Variants in DNAH14 observed in about 807,000 individuals in gnomAD.
DNAH14 encodes axonemal beta dynein heavy chain 14.
DNAH14 carries 478 observed loss-of-function variants against 520.9 expected under a neutral mutation model. The observed-to-expected ratio is 0.92, with a 90% CI of 0.85 to 0.99. DNAH14 has a LOEUF of 0.99. Ranked by LOEUF, DNAH14 falls within the 50% of genes least tolerant of loss-of-function variation. The pLI is 0.00. For synonymous variants in DNAH14, 1,581 were observed against 1,757.2 expected (o/e 0.90, Z 2.51); for missense variants, 4,831 against 5,234.5 (o/e 0.92, Z 2.38).
In DNAH14 at chr1:224,943,155, C is replaced by T. The variant is rs569376995; in HGVS notation, c.-33-9515C>T. 2.6e-5 allele frequency among the ~76,000 whole-genome samples: 4 copies of T among 152,258 alleles called. No individual in the cohort carries two copies. In the East Asian group the frequency reaches 7.7e-4, roughly 29 times the overall value. ...GTCCTGGACTTTTATGGTTGGTAAG[C>T]TATTAATTATTGCCTCAATTTCAGA... On this transcript the variant is annotated intron_variant, in intron 1 of 85. Transcript: ENST00000682510.
At chr1:225,153,715 A>T in intron 33 of DNAH14, 35 bp from the exon 34 acceptor site, 1 of 1,444,668 alleles carries the variant, frequency 6.9e-7, no homozygotes, top group Non-Finnish European at 9.5e-7. Flanking sequence ...TTTCTTTAGA[A>T]ACTTTAATAA....
At chr1:225,228,553 C>T (rs1012904573) in intron 41 of DNAH14, among the ~76,000 whole-genome samples, 4 of 152,148 alleles carry the variant, frequency 2.6e-5, no homozygotes, top group Non-Finnish European at 5.9e-5. Flanking sequence ...GCCCAACAAA[C>T]AGCCACATGG....
At chr1:225,314,072 T>G (rs2094421763) in intron 60 of DNAH14, among the ~76,000 whole-genome samples, 1 of 152,220 alleles carries the variant, frequency 6.6e-6, no homozygotes, top group Non-Finnish European at 1.5e-5. Flanking sequence ...TGTGGGAGTC[T>G]AAGTCTCTCT....
chr1:225,394,369 T>C (rs2095972620), intron 84 of DNAH14, among the ~76,000 whole-genome samples: 1 of 152,220 alleles, frequency 6.6e-6, no homozygotes, highest in South Asian at 2.1e-4. Flanking sequence ...ATGGTGTCTT[T>C]TGATGAACAA....
chr1:225,358,846 T>G (rs2095461402), intron 74 of DNAH14, among the ~76,000 whole-genome samples, 194 bp downstream of exon 74: 1 of 152,188 alleles, frequency 6.6e-6, no homozygotes, highest in African/African-American at 2.4e-5. Flanking sequence ...GATCTGATGA[T>G]TTTATAAGCA....
At chr1:225,122,081 G>A (rs933136532) in intron 26 of DNAH14, among the ~76,000 whole-genome samples, 1 of 151,976 alleles carries the variant, frequency 6.6e-6, no homozygotes, top group Admixed American at 6.6e-5. Context: ...AGATTAAAAT[G>A]TAGAAAAAAA....
chr1:224,997,748 A>AT (rs1452391976), intron 8 of DNAH14, among the ~76,000 whole-genome samples: 2 of 151,438 alleles, frequency 1.3e-5, no homozygotes, highest in African/African-American at 4.9e-5. Flanking sequence ...CAGATTATCG[A>AT]TTTTTTAAAT....
At position 225,301,000 on chromosome 1, in the gene DNAH14, T is replaced by C. The variant is rs369335225; in HGVS notation, c.8601T>C (p.Asn2867=). The part of the protein sequence containing the change: ...YLTEQSGHMD[N]RQSLLSFFQK... ...CTGAACAATCTGGTCATATGGATAATAGGCAATCTTTACTTTCATTCTTTC... is the reference window on the plus strand; with the variant it reads ...CTGAACAATCTGGTCATATGGATAACAGGCAATCTTTACTTTCATTCTTTC... Residue 2867 remains asparagine (N), a synonymous_variant, in exon 56 of 86, where the codon AAT becomes AAC. Coordinates refer to ENST00000682510, the MANE Select transcript of DNAH14 (RefSeq NM_001367479.1). 3.9e-5 allele frequency: 60 copies of C among 1,549,792 alleles called. No individual in the cohort carries two copies. The African/African-American group carries it at 6.3e-4, about 16-fold the overall frequency.
In DNAH14 at chr1:225,375,373, G is replaced by A. The variant is rs114558549; in HGVS notation, c.12516+488G>A. Among the ~76,000 whole-genome samples the A allele has an allele frequency of 9.5e-3, 1,448 of 152,316 alleles. 23 individuals carry two copies. The highest frequency in any genetic ancestry group is 0.033 in the African/African-American group (1,358 of 41,548). On this transcript the variant is annotated intron_variant, in intron 78 of 85. Transcript: ENST00000682510. ...GTGTGTGCCTGTTGAGTGGCTGCTA[G>A]CAGAGGAAAGAATCCTACAGACCTC...
rs2065518935 is a variant in DNAH14, at chr1:225,019,855, G to T, written c.1108-3760G>T. ...CCAGAATCTTCAGGACACAACTAAA[G>T]AAGGATGAAGAGGAAAGTTTATAGT... is the stretch of plus-strand genomic sequence containing the variant. On this transcript the variant is annotated intron_variant, in intron 10 of 85. Coordinates refer to ENST00000682510, the MANE Select transcript of DNAH14 (RefSeq NM_001367479.1). 2.6e-5 allele frequency among the ~76,000 whole-genome samples: 4 copies of T among 152,068 alleles called. No homozygotes were observed. The South Asian group carries it at 8.3e-4, about 32-fold the overall frequency.
At chr1:225,098,212 A>AC (rs2075160042) in intron 22 of DNAH14, among the ~76,000 whole-genome samples, 1 of 152,110 alleles carries the variant, frequency 6.6e-6, no homozygotes, top group Non-Finnish European at 1.5e-5. Flanking sequence ...GAAAAAAAAA[A>AC]AACCAATTTA....
intron 1 of DNAH14, among the ~76,000 whole-genome samples, chr1:224,934,702 C>T (rs1266218171): frequency 2.0e-5 from 3 of 151,420 alleles, no homozygotes; most frequent in Non-Finnish European, 4.4e-5. Flanking sequence ...CAGGCAGAAA[C>T]AATGTGAAAA....
chr1:225,385,180 C>A (rs937603799), intron 81 of DNAH14, among the ~76,000 whole-genome samples: 13 of 151,620 alleles, frequency 8.6e-5, no homozygotes, highest in East Asian at 7.7e-4. Flanking sequence ...ATTCAACAAC[C>A]CTTCATGCTA....
chr1:225,086,569 A>G (rs774984635), intron 21 of DNAH14, among the ~76,000 whole-genome samples: 12 of 152,170 alleles, frequency 7.9e-5, no homozygotes, highest in Non-Finnish European at 1.3e-4. Context: ...GGGGAGAGAG[A>G]GAAAGTATAT....
rs552463507 is a variant in DNAH14, at chr1:225,385,552, T to C, written c.13078-2827T>C. On this transcript the variant is annotated intron_variant, in intron 81 of 85. Transcript: ENST00000682510. ...AAAGTCTCAGGATACCAAATCAATGTGCAAAAATCACAAGCATTCCTATAC... is the reference window on the plus strand; with the variant it reads ...AAAGTCTCAGGATACCAAATCAATGCGCAAAAATCACAAGCATTCCTATAC... 1.5e-4 allele frequency among the ~76,000 whole-genome samples: 23 copies of C among 152,318 alleles called. 2 individuals are homozygous for C. Among genetic ancestry groups the C allele is most frequent in the African/African-American group, 5.5e-4 (23 of 41,572 alleles).
intron 8 of DNAH14, among the ~76,000 whole-genome samples, chr1:224,979,253 CACT>C (rs2062084186): frequency 6.6e-6 from 1 of 152,148 alleles, no homozygotes; most frequent in Non-Finnish European, 1.5e-5. Flanking sequence ...AGTCTTGAAT[CACT>C]GATGGCATCT....
intron 20 of DNAH14, 46 bp from the exon 21 acceptor site, chr1:225,085,498 A>T: frequency 6.8e-7 from 1 of 1,460,968 alleles, no homozygotes; most frequent in Non-Finnish European, 9.2e-7. Context: ...ACATATCAGG[A>T]ATTATTTGCT....
At chr1:225,036,040 A>T (rs1372302917) in intron 11 of DNAH14, among the ~76,000 whole-genome samples, 1 of 152,206 alleles carries the variant, frequency 6.6e-6, no homozygotes, top group South Asian at 2.1e-4. Context: ...GCCAGTCAAG[A>T]CAGGTTTATT....
chr1:225,280,899 A>G (rs2149916051), intron 54 of DNAH14, among the ~76,000 whole-genome samples: 1 of 152,338 alleles, frequency 6.6e-6, no homozygotes, highest in Non-Finnish European at 1.5e-5. Context: ...AAACTATTTT[A>G]AAAATGAAAT....
Sources: allele counts gnomAD v4.1 joint callset (sites outside exome capture counted in the v4.1 genomes callset), GRCh38; gene constraint gnomAD v4.1.1; transcripts MANE v1.5; gene names NCBI Gene and HGNC (gene_info 2026-07-23, HGNC 2026-07-21).